Variants in C1orf87 observed in about 807,000 individuals in gnomAD.
The protein encoded by C1orf87 is uncharacterized protein C1orf87.
Under a neutral mutation model 60.5 loss-of-function variants are expected in C1orf87, and 58 were observed. The observed-to-expected ratio is 0.96, with a 90% CI of 0.78 to 1.19. C1orf87 has a LOEUF of 1.19. Among genes scored for constraint, C1orf87 ranks in the 50% most tolerant of loss-of-function variants. The pLI, the probability that C1orf87 is intolerant of heterozygous loss-of-function variation, is 0.00. For missense variants in C1orf87, 673 were observed against 638.6 expected, an observed-to-expected ratio of 1.05 and a Z score of -0.58; for synonymous variants, 236 against 227.4, an observed-to-expected ratio of 1.04 and a Z score of -0.34.
intron 6 of C1orf87, among the ~76,000 whole-genome samples, chr1:60,033,941 G>A (rs1341315438): frequency 6.6e-6 from 1 of 151,728 alleles, no homozygotes; most frequent in Non-Finnish European, 1.5e-5. Flanking sequence ...TTTTTTCTAG[G>A]TTGAGACAAA....
chr1:60,000,163 T>C (rs1157576797), intron 10 of C1orf87, among the ~76,000 whole-genome samples: 2 of 152,144 alleles, frequency 1.3e-5, no homozygotes, highest in African/African-American at 4.8e-5. Context: ...GAATGAATGA[T>C]TTTCTCAGGG....
intron 5 of C1orf87, 145 bp downstream of exon 5, chr1:60,039,772 A>T (rs1645305354): frequency 1.1e-6 from 1 of 904,036 alleles, no homozygotes. Flanking sequence ...ATTTCTACAC[A>T]TGAATATAAA....
At chr1:60,019,283 C>T (rs112013450) in intron 8 of C1orf87, among the ~76,000 whole-genome samples, 10 of 152,288 alleles carry the variant, frequency 6.6e-5, no homozygotes, top group South Asian at 2.1e-4. Context: ...CCTGCTTTGC[C>T]GTGGTAAGAT....
At position 60,034,443 on chromosome 1, in the gene C1orf87, C is replaced by T. The variant is rs567344774; in HGVS notation, c.864-802G>A. Among the ~76,000 whole-genome samples the T allele has an allele frequency of 2.0e-4, 30 of 152,322 alleles. No homozygotes were observed. In the East Asian group the frequency reaches 2.1e-3, roughly 11 times the overall value. On this transcript the variant is annotated intron_variant, in intron 6 of 11. Transcript: ENST00000371201. ...TTTTCCATTGTCTCAAGTTAAACAC[C>T]AAGTTCCCTAGAGGGACAGTCCATG...
At chr1:60,048,946 T>C (rs1645393002) in intron 3 of C1orf87, among the ~76,000 whole-genome samples, 1 of 152,104 alleles carries the variant, frequency 6.6e-6, no homozygotes, top group Non-Finnish European at 1.5e-5. Context: ...TAGTACTCCA[T>C]GTATGGATGT....
Position 60,033,614 on chromosome 1 carries a change from C to T in C1orf87, c.891G>A (p.Gln297=). Residue 297 remains glutamine, a synonymous_variant, in exon 7 of 12, where the codon CAG becomes CAA. Coordinates refer to ENST00000371201, the MANE Select transcript of C1orf87 (RefSeq NM_152377.3). ...QSTPPQHSSS[Q]PEVNRSLLEI... ...CCAACAGACTCCTGTTCACTTCTGG[C>T]TGTGAGCTGGAGTGCTGAGGTGGAG... The T allele has an allele frequency of 6.2e-7, 1 of 1,613,084 alleles. No individual in the cohort carries two copies. The highest frequency in any genetic ancestry group is 1.1e-5 in the South Asian group (1 of 90,724).
At chr1:60,035,739 G>C (rs1645271205) in intron 6 of C1orf87, among the ~76,000 whole-genome samples, 1 of 152,146 alleles carries the variant, frequency 6.6e-6, no homozygotes, top group Non-Finnish European at 1.5e-5. Flanking sequence ...GAAAATTGGA[G>C]GTGCCAATTA....
At chr1:60,031,953 T>C (rs1241062026) in intron 7 of C1orf87, among the ~76,000 whole-genome samples, 3 of 151,058 alleles carry the variant, frequency 2.0e-5, no homozygotes, top group Non-Finnish European at 4.4e-5. Flanking sequence ...CTCTTTCTCA[T>C]GAAATATGCT....
chr1:59,994,477 A>G (rs903770601), intron 11 of C1orf87, among the ~76,000 whole-genome samples: 1 of 152,156 alleles, frequency 6.6e-6, no homozygotes, highest in Non-Finnish European at 1.5e-5. Context: ...GTGATGTAGT[A>G]TATGTAAAGT....
chr1:60,072,096 G>A (rs1432931770), intron 2 of C1orf87, among the ~76,000 whole-genome samples: 1 of 152,132 alleles, frequency 6.6e-6, no homozygotes, highest in Non-Finnish European at 1.5e-5. Context: ...AAGCTTAGAG[G>A]AGTATCAAAT....
At chr1:60,020,589 G>C (rs905744199) in intron 8 of C1orf87, among the ~76,000 whole-genome samples, 1 of 152,176 alleles carries the variant, frequency 6.6e-6, no homozygotes, top group Non-Finnish European at 1.5e-5. Context: ...CATGGGGTCT[G>C]TAGCTCCTTT....
chr1:60,069,183 G>A (rs772696500), intron 2 of C1orf87, among the ~76,000 whole-genome samples: 1 of 152,122 alleles, frequency 6.6e-6, no homozygotes, highest in Non-Finnish European at 1.5e-5. Flanking sequence ...TGGGTCTGGT[G>A]GTGGCAGCAC....
intron 8 of C1orf87, among the ~76,000 whole-genome samples, chr1:60,021,965 A>G (rs1303291875): frequency 6.6e-6 from 1 of 152,150 alleles, no homozygotes; most frequent in African/African-American, 2.4e-5. Flanking sequence ...GGTAGAGGGA[A>G]CATTCAAAAG....
intron 2 of C1orf87, among the ~76,000 whole-genome samples, chr1:60,066,266 A>G (rs1291541081): frequency 6.6e-6 from 1 of 152,150 alleles, no homozygotes; most frequent in African/African-American, 2.4e-5. Context: ...ATGCTGTTTG[A>G]TAGTATTTTA....
chr1:60,018,300 A>G (rs1645137439), intron 8 of C1orf87, among the ~76,000 whole-genome samples: 3 of 152,250 alleles, frequency 2.0e-5, no homozygotes, highest in Admixed American at 1.3e-4. Context: ...TATATTTCTT[A>G]TAAATGCAAT....
At chr1:60,027,472 C>T (rs916900275) in intron 7 of C1orf87, among the ~76,000 whole-genome samples, 1 of 152,198 alleles carries the variant, frequency 6.6e-6, no homozygotes, top group African/African-American at 2.4e-5. Context: ...TGTGGCCTGG[C>T]CCCGCATGGT....
At chr1:60,007,912 T>G (rs888662177) in intron 9 of C1orf87, among the ~76,000 whole-genome samples, 2 of 151,722 alleles carry the variant, frequency 1.3e-5, no homozygotes, top group Non-Finnish European at 2.9e-5. Flanking sequence ...AAAGAGAAAA[T>G]TCACAGTTCT....
intron 2 of C1orf87, among the ~76,000 whole-genome samples, chr1:60,071,672 A>C (rs1645584832): frequency 6.6e-6 from 1 of 152,202 alleles, no homozygotes; most frequent in Non-Finnish European, 1.5e-5. Flanking sequence ...TTGATTCAGC[A>C]GACCTTGAGC....
At chr1:60,014,075 C>T (rs1439236123) in intron 8 of C1orf87, among the ~76,000 whole-genome samples, 1 of 152,140 alleles carries the variant, frequency 6.6e-6, no homozygotes, top group Admixed American at 6.6e-5. Flanking sequence ...ACCTTGCTTA[C>T]TTCAACTTTC....
Sources: gnomAD v4.1 joint callset for allele counts (sites outside exome capture counted in the v4.1 genomes callset) on GRCh38, gnomAD v4.1.1 for gene constraint, MANE v1.5 for transcripts, NCBI Gene and HGNC (gene_info 2026-07-23, HGNC 2026-07-21) for gene names.